Variants in SPG11 observed in about 807,000 individuals in gnomAD.
SPG11 encodes the protein spatacsin.
In SPG11, 222 loss-of-function variants were observed where a neutral mutation model predicts 274.0. The observed-to-expected ratio is 0.81, with a 90% CI of 0.73 to 0.91. The LOEUF (loss-of-function observed/expected upper bound fraction) is 0.91, where lower values mean the gene tolerates loss of function less well. Ranked by LOEUF, SPG11 falls within the 40% of genes least tolerant of loss-of-function variation. The probability of loss-of-function intolerance (pLI) is 0.00; values close to 1 mark genes in which losing one functional copy is unlikely to be tolerated. For missense variants in SPG11, 3,114 were observed against 2,872.7 expected (o/e 1.08, Z -1.92); for synonymous variants, 1,144 against 1,039.7 (o/e 1.10, Z -1.93).
rs762365487 is a variant in SPG11, at chr15:44,628,828, C to T, written c.1908G>A (p.Leu636=). The T allele has an allele frequency of 1.2e-5, 19 of 1,613,078 alleles. 1 individual carries two copies. The South Asian group carries it at 1.9e-4, about 16-fold the overall frequency. The change falls in exon 10 of 40, where the codon CTG becomes CTA. Residue 636 remains leucine, a synonymous_variant. Transcript: ENST00000261866. ...TAGTCAAAATGTTCACTCCTTTTTG[C>T]AGATGTTCATCTAGTTCTATGGAAA... ...FIHTEELDEH[L]QKGVNILTSY... is the part of the protein sequence containing the mutation.
chr15:44,633,166 C>T (rs1202120429), intron 8 of SPG11, among the ~76,000 whole-genome samples: 1 of 151,068 alleles, frequency 6.6e-6, no homozygotes, highest in Admixed American at 6.6e-5. Flanking sequence ...AGTGAGACCC[C>T]ATTCTCTACA....
At chr15:44,597,840 A>C (rs2083083798) in intron 23 of SPG11, among the ~76,000 whole-genome samples, 1 of 152,262 alleles carries the variant, frequency 6.6e-6, no homozygotes, top group Non-Finnish European at 1.5e-5. Flanking sequence ...TGACATAATA[A>C]AATGAAAAAA....
chr15:44,613,988 G>A (rs1335736363), intron 16 of SPG11, among the ~76,000 whole-genome samples: 1 of 152,150 alleles, frequency 6.6e-6, no homozygotes, highest in Non-Finnish European at 1.5e-5. Flanking sequence ...AGGCTGCAAT[G>A]AACCATGATT....
intron 29 of SPG11, 147 bp from the exon 30 acceptor site, chr15:44,584,705 C>T: frequency 1.0e-6 from 1 of 968,838 alleles, no homozygotes; most frequent in South Asian, 1.4e-5. Flanking sequence ...TCACAGCACA[C>T]TGCAGCCTCA....
At chr15:44,571,316 A>C (rs2082418279) in intron 33 of SPG11, among the ~76,000 whole-genome samples, 2 of 151,968 alleles carry the variant, frequency 1.3e-5, no homozygotes, top group African/African-American at 4.8e-5. Flanking sequence ...CCAGAACTCT[A>C]TCTTGACCCC....
At chr15:44,628,897 A>T in intron 9 of SPG11, 53 bp from the exon 10 acceptor site, 5 of 1,498,608 alleles carry the variant, frequency 3.3e-6, no homozygotes, top group Non-Finnish European at 4.6e-6. Context: ...AATATAAACC[A>T]TGAGCTGTTA....
Position 44,585,622 on chromosome 15 carries a change from A to G in SPG11, c.5121+14T>C. Reference sequence around the variant, plus strand: ...GTATCTAAAAAAAAAAAAAAAAAAAAAGACCGATGATACCTCTTTAATAAC... The same window carrying G: ...GTATCTAAAAAAAAAAAAAAAAAAAGAGACCGATGATACCTCTTTAATAAC... On this transcript the variant is annotated intron_variant, in intron 29 of 39. Coordinates refer to ENST00000261866, the MANE Select transcript of SPG11 (RefSeq NM_025137.4). The G allele has an allele frequency of 1.3e-6, 2 of 1,584,392 alleles. No individual in the cohort carries two copies. Among genetic ancestry groups the G allele is most frequent in the Non-Finnish European group, 8.6e-7 (1 of 1,159,304 alleles).
chr15:44,572,774 A>T lies in SPG11; in HGVS notation c.6252T>A (p.Leu2084=), dbSNP rs1231775993. 5.6e-6 allele frequency: 9 copies of T among 1,613,998 alleles called. No homozygotes were observed. The highest frequency in any genetic ancestry group is 1.1e-5 in the South Asian group (1 of 91,082). ...GGTCTTGACACAGAGTGGTCAGCTGAAGAAATGTCTGGCTTTCCTCTGTTG... is the reference window on the plus strand; with the variant it reads ...GGTCTTGACACAGAGTGGTCAGCTGTAGAAATGTCTGGCTTTCCTCTGTTG... ...FNPTEESQTF[L]QLTTLCQDRT... Residue 2084 remains leucine, a synonymous_variant, in exon 33 of 40, where the codon CTT becomes CTA. Coordinates refer to ENST00000261866, the MANE Select transcript of SPG11 (RefSeq NM_025137.4).
intron 8 of SPG11, 42 bp downstream of exon 8, chr15:44,633,463 T>A: frequency 6.8e-7 from 1 of 1,462,822 alleles, no homozygotes; most frequent in East Asian, 2.5e-5. Flanking sequence ...ATTAAGAAGA[T>A]CAAATGATAA....
intron 11 of SPG11, among the ~76,000 whole-genome samples, chr15:44,625,683 TTTAG>T (rs1455852861): frequency 6.6e-6 from 1 of 152,144 alleles, no homozygotes; most frequent in African/African-American, 2.4e-5. Context: ...TTATTATTTA[TTTAG>T]TTACTTTTTG....
chr15:44,619,609 C>A (rs1166656636), intron 15 of SPG11, among the ~76,000 whole-genome samples: 1 of 152,112 alleles, frequency 6.6e-6, no homozygotes, highest in Non-Finnish European at 1.5e-5. Context: ...CTCCTTATAG[C>A]CCTACTGAAA....
intron 8 of SPG11, among the ~76,000 whole-genome samples, chr15:44,633,134 T>A (rs1367710076): frequency 6.8e-6 from 1 of 147,840 alleles, no homozygotes; most frequent in Non-Finnish European, 1.5e-5. Context: ...AGCCCAGGAG[T>A]TTGAGACCAG....
intron 30 of SPG11, among the ~76,000 whole-genome samples, chr15:44,577,606 G>C (rs2082566998): frequency 6.6e-6 from 1 of 151,852 alleles, no homozygotes; most frequent in African/African-American, 2.4e-5. Context: ...ATCCTTCACT[G>C]AGAGTTCCAA....
In SPG11 at chr15:44,572,791, C is replaced by G; in HGVS notation, c.6235G>C (p.Glu2079Gln). The stretch of plus-strand genomic sequence containing the variant: ...GTCAGCTGAAGAAATGTCTGGCTTT[C>G]CTCTGTTGGGTTGAACATCTGCTTA... ...GHKQMFNPTE[E>Q]SQTFLQLTTL... Residue 2079 changes from glutamate to glutamine, a missense_variant, in exon 33 of 40, where the codon GAA becomes CAA. Transcript: ENST00000261866. 6.2e-7 allele frequency: 1 copy of G among 1,614,040 alleles called. No individual in the cohort carries two copies. Among genetic ancestry groups the G allele is most frequent in the African/African-American group, 1.3e-5 (1 of 74,992 alleles).
At chr15:44,574,256 G>C (rs1421551258) in intron 31 of SPG11, among the ~76,000 whole-genome samples, 2 of 152,094 alleles carry the variant, frequency 1.3e-5, no homozygotes, top group Non-Finnish European at 2.9e-5. Flanking sequence ...CACCCGCCTC[G>C]GCCTCCCGAA....
chr15:44,614,294 T>C (rs2083536503), intron 16 of SPG11, among the ~76,000 whole-genome samples: 1 of 152,006 alleles, frequency 6.6e-6, no homozygotes, highest in African/African-American at 2.4e-5. Context: ...GGCGCAAACA[T>C]GGCTCACTGC....
At chr15:44,566,097 G>A in intron 37 of SPG11, 88 bp from the exon 38 acceptor site, 1 of 1,594,558 alleles carries the variant, frequency 6.3e-7, no homozygotes. Context: ...CACCCCTTCT[G>A]TTCCTGGTTG....
intron 33 of SPG11, chr15:44,572,346 C>G (rs1187277538): frequency 2.9e-6 from 1 of 340,974 alleles, no homozygotes; most frequent in Non-Finnish European, 5.7e-6. Flanking sequence ...CAAATACCAG[C>G]TCTGCCACTT....
chr15:44,589,156 A>G (rs2082839276), intron 28 of SPG11, 96 bp downstream of exon 28: 1 of 1,248,164 alleles, frequency 8.0e-7, no homozygotes, highest in Non-Finnish European at 1.2e-6. Flanking sequence ...AGTTAATGTT[A>G]CATGCATTTT....
Sources: allele counts gnomAD v4.1 joint callset (sites outside exome capture counted in the v4.1 genomes callset), GRCh38; gene constraint gnomAD v4.1.1; transcripts MANE v1.5; gene names NCBI Gene and HGNC (gene_info 2026-07-23, HGNC 2026-07-21).